The following SNX24 variants were observed in gnomAD, a reference collection of about 807,000 sequenced individuals.
SNX24 encodes the protein sorting nexin 24.
SNX24 carries 22 observed loss-of-function variants against 28.7 expected under a neutral mutation model. The observed-to-expected ratio is 0.77, with a 90% CI of 0.55 to 1.10. The LOEUF (loss-of-function observed/expected upper bound fraction) is 1.10, where lower values mean the gene tolerates loss of function less well. SNX24 is among the 50% of genes least tolerant of loss of function. The pLI, the probability that SNX24 is intolerant of heterozygous loss-of-function variation, is 0.00. For synonymous variants in SNX24, 69 were observed against 71.5 expected (o/e 0.96, Z 0.18); for missense variants, 221 against 201.1 (o/e 1.10, Z -0.60).
rs1415884799 is a variant in SNX24 at position 122,936,718 on chromosome 5, T to C, written c.61-16T>C. On this transcript the variant is annotated splice_polypyrimidine_tract_variant and intron_variant, in intron 1 of 6. Transcript: ENST00000261369. ...TTTTGAACTAATATAATTAATCTTT[T>C]AAATTTTTTCCTCAGGTGTTTAAGA... is the stretch of plus-strand genomic sequence containing the variant. 1 of 1,461,956 alleles carries C rather than the reference T, an allele frequency of 6.8e-7. No individual in the cohort carries two copies. Among genetic ancestry groups the C allele is most frequent in the African/African-American group, 1.4e-5 (1 of 71,736 alleles). 90.6% of individuals were successfully genotyped at this position (1,461,956 alleles called of 1,614,324 possible). A position where few individuals can be genotyped will look rare whatever the true frequency, so the allele number is the denominator to read the frequency against.
At chr5:122,862,476 C>T (rs1227567848) in intron 1 of SNX24, among the ~76,000 whole-genome samples, 8 of 151,848 alleles carry the variant, frequency 5.3e-5, no homozygotes, top group African/African-American at 1.7e-4. Context: ...GGTGGCGGCG[C>T]CTGTAGTCCC....
rs1445925286 is a variant in SNX24, at chr5:122,951,266, C to CAAAA, written c.249+5120_249+5123dup. Among the ~76,000 whole-genome samples the CAAAA allele has an allele frequency of 2.3e-4, 11 of 47,938 alleles. 1 individual carries two copies. The highest frequency in any genetic ancestry group is 1.3e-3 in the East Asian group (2 of 1,506). 31.4% of individuals were successfully genotyped at this position (47,938 alleles called of 152,430 possible). A position where few individuals can be genotyped will look rare whatever the true frequency, so the allele number is the denominator to read the frequency against. ...TGGGCGACAGAGTGAGACTCTGTCTCAAAAAAAAAAAAAAAAGAAAAAGAA... is the reference window on the plus strand; with the variant it reads ...TGGGCGACAGAGTGAGACTCTGTCTCAAAAAAAAAAAAAAAAAAAAGAAAAAGAA... On this transcript the variant is annotated intron_variant, in intron 3 of 6. Transcript: ENST00000261369.
At chr5:122,875,358 T>C (rs2150055463) in intron 1 of SNX24, among the ~76,000 whole-genome samples, 1 of 152,364 alleles carries the variant, frequency 6.6e-6, no homozygotes, top group East Asian at 1.9e-4. Context: ...TTCATGTTTA[T>C]GGGGAAAATG....
intron 1 of SNX24, among the ~76,000 whole-genome samples, chr5:122,893,637 G>A (rs246280): frequency 0.72 from 109,205 of 152,076 alleles, 39,952 homozygotes; most frequent in East Asian, 0.99. Context: ...TAGCATTTCA[G>A]CCCAAAACTG....
In SNX24 at chr5:122,891,081, ATT is replaced by A. The variant is rs1427020041; in HGVS notation, c.60+45389_60+45390del. The A allele has an allele frequency of 1.9e-5, 29 of 1,534,724 alleles. 1 individual carries two copies. The Admixed American group carries it at 5.7e-4, about 30-fold the overall frequency. On this transcript the variant is annotated intron_variant, in intron 1 of 6. Transcript: ENST00000261369. ...GACAAAAATGGAATCATATGAAGTT[ATT>A]GTTCTGGAAATTGCTTTTTCAAATG...
chr5:122,908,954 G>A (rs1024438253), intron 1 of SNX24, among the ~76,000 whole-genome samples: 10 of 152,328 alleles, frequency 6.6e-5, no homozygotes, highest in Admixed American at 1.3e-4. Flanking sequence ...TGAGCGGGGA[G>A]TGAAGCGTGG....
chr5:122,854,501 C>CT (rs1346840030), intron 1 of SNX24, among the ~76,000 whole-genome samples: 4 of 126,372 alleles, frequency 3.2e-5, no homozygotes, highest in African/African-American at 1.3e-4. Context: ...GAGCGAGACT[C>CT]TGTCTCAAAA....
intron 2 of SNX24, among the ~76,000 whole-genome samples, chr5:122,945,232 C>G (rs1759634102): frequency 6.6e-6 from 1 of 152,152 alleles, no homozygotes; most frequent in African/African-American, 2.4e-5. Context: ...TGCTGCCTCC[C>G]TTTTATAAGG....
chr5:122,967,625 C>G (rs956809769), intron 3 of SNX24, among the ~76,000 whole-genome samples: 6 of 152,214 alleles, frequency 3.9e-5, no homozygotes, highest in Non-Finnish European at 8.8e-5. Flanking sequence ...GATAACAGTA[C>G]TTTCACAAGT....
At chr5:123,028,369 T>A (rs1762892682) in intron 5 of SNX24, 1 of 163,844 alleles carries the variant, frequency 6.1e-6, no homozygotes, top group Admixed American at 6.4e-5. Context: ...AGTCTCAATC[T>A]CCTGGCATGA....
At chr5:122,899,334 A>G (rs573595366) in intron 1 of SNX24, among the ~76,000 whole-genome samples, 1 of 152,346 alleles carries the variant, frequency 6.6e-6, no homozygotes, top group South Asian at 2.1e-4. Context: ...TATGGAGTCC[A>G]TAGAAATATA....
intron 5 of SNX24, among the ~76,000 whole-genome samples, chr5:123,017,428 GTTT>G (rs11341488): frequency 7.4e-5 from 10 of 134,410 alleles, no homozygotes; most frequent in African/African-American, 2.3e-4. Context: ...ATAAAAAGTT[GTTT>G]TTTTTTTTTT....
chr5:122,908,566 A>G (rs1046114752), intron 1 of SNX24, among the ~76,000 whole-genome samples: 1 of 152,256 alleles, frequency 6.6e-6, no homozygotes, highest in Non-Finnish European at 1.5e-5. Context: ...TGTATAAAAT[A>G]TAAAAAATAA....
chr5:122,973,589 T>A (rs971201054), intron 3 of SNX24, among the ~76,000 whole-genome samples: 7 of 152,218 alleles, frequency 4.6e-5, no homozygotes, highest in Non-Finnish European at 7.3e-5. Context: ...TCATGTAACT[T>A]ACTTGTGCCT....
At chr5:122,922,427 A>G (rs1758473247) in intron 1 of SNX24, among the ~76,000 whole-genome samples, 1 of 151,806 alleles carries the variant, frequency 6.6e-6, no homozygotes, top group Non-Finnish European at 1.5e-5. Context: ...TAATTTTTGT[A>G]TTTTTAGTAT....
chr5:122,907,864 G>A (rs1419804304), intron 1 of SNX24, among the ~76,000 whole-genome samples: 1 of 151,340 alleles, frequency 6.6e-6, no homozygotes, highest in Non-Finnish European at 1.5e-5. Flanking sequence ...AAGTATAACT[G>A]GGCAGTTATA....
At chr5:122,995,684 G>A (rs1255598326) in intron 3 of SNX24, among the ~76,000 whole-genome samples, 1 of 152,102 alleles carries the variant, frequency 6.6e-6, no homozygotes, top group Non-Finnish European at 1.5e-5. Flanking sequence ...AATTTATTGG[G>A]ATTTATTTCT....
intron 1 of SNX24, among the ~76,000 whole-genome samples, chr5:122,880,902 G>A (rs987520053): frequency 6.6e-6 from 1 of 152,160 alleles, no homozygotes; most frequent in Admixed American, 6.6e-5. Flanking sequence ...AATTGCATCC[G>A]TTTGTCATGC....
At chr5:123,010,155 C>T (rs80127365), downstream of SNX24, among the ~76,000 whole-genome samples, 1,022 of 152,302 alleles carry the variant, frequency 6.7e-3, 9 homozygotes, top group Middle Eastern at 0.031. Context: ...TTCGCCCACT[C>T]CCACCTCCCA....
Sources: allele counts gnomAD v4.1 joint callset (sites outside exome capture counted in the v4.1 genomes callset), GRCh38; gene constraint gnomAD v4.1.1; transcripts MANE v1.5; gene names NCBI Gene and HGNC (gene_info 2026-07-23, HGNC 2026-07-21).